The following MBD5 variants were observed in gnomAD, a reference collection of about 807,000 sequenced individuals.
MBD5 encodes methyl-CpG binding domain protein 5, also known as methyl-CpG-binding domain protein 5.
In MBD5, 13 loss-of-function variants were observed where a neutral mutation model predicts 117.3. The observed-to-expected ratio is 0.11, with a 90% CI of 0.07 to 0.18. The LOEUF (loss-of-function observed/expected upper bound fraction) is 0.18, where lower values mean the gene tolerates loss of function less well. MBD5 is among the 10% of genes least tolerant of loss of function. The pLI is 1.00. For synonymous variants in MBD5, 727 were observed against 766.4 expected, an observed-to-expected ratio of 0.95 and a Z score of 0.85; for missense variants, 1,879 against 2,093.8, an observed-to-expected ratio of 0.90 and a Z score of 2.00.
intron 3 of MBD5, among the ~76,000 whole-genome samples, chr2:148,274,662 TA>T (rs201348603): frequency 0.11 from 16,904 of 152,102 alleles, 1,276 homozygotes; most frequent in Non-Finnish European, 0.17. Context: ...ATGATAAAGC[TA>T]GGCTGGGTTT....
At chr2:148,235,792 A>AG (rs1700078938) in intron 3 of MBD5, among the ~76,000 whole-genome samples, 1 of 146,276 alleles carries the variant, frequency 6.8e-6, no homozygotes, top group Admixed American at 6.8e-5. Flanking sequence ...TTTCTAAAAA[A>AG]GGGGGAGTGT....
chr2:148,030,623 G>A (rs955656409), intron 1 of MBD5, among the ~76,000 whole-genome samples: 6 of 152,090 alleles, frequency 3.9e-5, no homozygotes, highest in Non-Finnish European at 8.8e-5. Context: ...CTTTGTATAC[G>A]GAAAGTATAT....
chr2:148,381,257 G>T (rs1185594418), intron 4 of MBD5, among the ~76,000 whole-genome samples: 2 of 152,184 alleles, frequency 1.3e-5, no homozygotes, highest in African/African-American at 4.8e-5. Flanking sequence ...AATAACCGAT[G>T]CAGAGAAGTC....
chr2:148,046,514 C>T (rs1226511308), intron 1 of MBD5, among the ~76,000 whole-genome samples: 5 of 152,062 alleles, frequency 3.3e-5, no homozygotes, highest in African/African-American at 4.8e-5. Context: ...TATTTACTTT[C>T]TTGGATGGTG....
At chr2:148,496,525 A>G (rs879097183) in intron 11 of MBD5, among the ~76,000 whole-genome samples, 2 of 152,250 alleles carry the variant, frequency 1.3e-5, no homozygotes, top group Non-Finnish European at 2.9e-5. Flanking sequence ...GAGCTTGTTC[A>G]TATAATTTCA....
intron 8 of MBD5, among the ~76,000 whole-genome samples, chr2:148,477,130 GA>G (rs892038216): frequency 4.5e-4 from 67 of 149,734 alleles, no homozygotes; most frequent in African/African-American, 1.2e-3. Context: ...GAGGGGGGAA[GA>G]AAAAAAAACA....
At chr2:148,398,447 C>G (rs1214020854) in intron 4 of MBD5, among the ~76,000 whole-genome samples, 2 of 152,068 alleles carry the variant, frequency 1.3e-5, no homozygotes, top group African/African-American at 2.4e-5. Flanking sequence ...GCATAAATGT[C>G]TTCTTTTGAG....
chr2:148,324,311 G>C (rs1702380810), intron 3 of MBD5, among the ~76,000 whole-genome samples: 1 of 152,160 alleles, frequency 6.6e-6, no homozygotes, highest in Non-Finnish European at 1.5e-5. Flanking sequence ...GCTCAGGATT[G>C]ACTTGCCGGC....
chr2:148,182,893 G>A (rs1252830566), intron 2 of MBD5, among the ~76,000 whole-genome samples: 6 of 152,088 alleles, frequency 3.9e-5, no homozygotes, highest in African/African-American at 7.2e-5. Context: ...TGGGCACCCC[G>A]CTTTTGGACT....
At position 148,155,575 on chromosome 2, in the gene MBD5, T is replaced by C. The variant is rs201689226; in HGVS notation, c.-924-23125T>C. Among the ~76,000 whole-genome samples the C allele has an allele frequency of 3.3e-4, 51 of 152,356 alleles. No individual in the cohort carries two copies. In the East Asian group the frequency reaches 7.9e-3, roughly 24 times the overall value. ...AACTCCTATGTTACTCTTCTGCCTA[T>C]GCTCTTCTTCATCCTTGATACTTTT... is the stretch of plus-strand genomic sequence containing the variant. On this transcript the variant is annotated intron_variant, in intron 1 of 13. Coordinates refer to ENST00000642680, the MANE Select transcript of MBD5 (RefSeq NM_001378120.1).
intron 4 of MBD5, among the ~76,000 whole-genome samples, chr2:148,420,025 G>T (rs1256384489): frequency 6.6e-6 from 1 of 152,092 alleles, no homozygotes; most frequent in Non-Finnish European, 1.5e-5. Context: ...ATGTAAGCCT[G>T]GGGGAGGTAA....
intron 3 of MBD5, among the ~76,000 whole-genome samples, chr2:148,314,376 GTTTTTT>G (rs67471940): frequency 9.4e-6 from 1 of 106,598 alleles, no homozygotes; most frequent in African/African-American, 3.5e-5. Context: ...CAGTGTTATG[GTTTTTT>G]TTTTTTTTTT....
intron 3 of MBD5, among the ~76,000 whole-genome samples, chr2:148,265,353 G>T (rs78830830): frequency 6.6e-6 from 1 of 152,076 alleles, no homozygotes; most frequent in African/African-American, 2.4e-5. Flanking sequence ...AGCCAAAGTA[G>T]GATGATAGTA....
chr2:148,393,140 C>G (rs1270060427), intron 4 of MBD5, among the ~76,000 whole-genome samples: 2 of 152,098 alleles, frequency 1.3e-5, no homozygotes, highest in East Asian at 3.9e-4. Context: ...AGATAAAGGC[C>G]TTGTAAAATT....
At chr2:148,352,832 C>A (rs1215527197) in intron 4 of MBD5, among the ~76,000 whole-genome samples, 1 of 152,010 alleles carries the variant, frequency 6.6e-6, no homozygotes. Context: ...CTGCAGAAGA[C>A]CCTAATAAGG....
At chr2:148,283,678 C>A (rs902096598) in intron 3 of MBD5, among the ~76,000 whole-genome samples, 10 of 152,092 alleles carry the variant, frequency 6.6e-5, no homozygotes, top group Non-Finnish European at 1.3e-4. Context: ...CTGAAGTCCC[C>A]AATACAGTTT....
In MBD5 at chr2:148,355,611, A is replaced by G. The variant is rs559491036; in HGVS notation, c.-557+13275A>G. On this transcript the variant is annotated intron_variant, in intron 4 of 13. Transcript: ENST00000642680. ...TTGTAGATGTGTGATATTATTTCTG[A>G]GGTCTCTGTTCTGTTCCATTGGTCT... 2.0e-5 allele frequency among the ~76,000 whole-genome samples: 3 copies of G among 152,058 alleles called. No individual in the cohort carries two copies. The East Asian group carries it at 5.8e-4, about 29-fold the overall frequency.
intron 3 of MBD5, among the ~76,000 whole-genome samples, chr2:148,249,014 A>C (rs1304915009): frequency 6.6e-6 from 1 of 152,168 alleles, no homozygotes; most frequent in African/African-American, 2.4e-5. Flanking sequence ...CTCTAAGTGG[A>C]ATAGAGACTT....
intron 1 of MBD5, among the ~76,000 whole-genome samples, chr2:148,051,257 G>A (rs1694690664): frequency 6.6e-6 from 1 of 151,894 alleles, no homozygotes; most frequent in South Asian, 2.1e-4. Flanking sequence ...ACTGCTTTTT[G>A]CATATTAATT....
Sources: gnomAD v4.1 joint callset for allele counts (sites outside exome capture counted in the v4.1 genomes callset) on GRCh38, gnomAD v4.1.1 for gene constraint, MANE v1.5 for transcripts, NCBI Gene and HGNC (gene_info 2026-07-23, HGNC 2026-07-21) for gene names.